The following TMEM209 variants were observed in gnomAD, a reference collection of about 807,000 sequenced individuals.
The protein encoded by TMEM209 is transmembrane protein 209, also known as testicular tissue protein Li 202.
TMEM209 carries 65 observed loss-of-function variants against 76.2 expected under a neutral mutation model. That is an observed-to-expected ratio of 0.85 (90% CI 0.70 to 1.05). TMEM209 has a LOEUF of 1.05. Among genes scored for constraint, TMEM209 ranks in the 50% least tolerant of loss-of-function variants. The pLI is 0.00. For synonymous variants in TMEM209, 239 were observed against 237.6 expected (o/e 1.01, Z -0.06); for missense variants, 623 against 685.5 (o/e 0.91, Z 1.02).
intron 6 of TMEM209, among the ~76,000 whole-genome samples, chr7:130,186,292 G>C (rs1027295372): frequency 2.6e-5 from 4 of 152,048 alleles, no homozygotes; most frequent in Non-Finnish European, 4.4e-5. Context: ...TTATGCTTAC[G>C]GGTACAAAGA....
chr7:130,185,972 T>C (rs1047448868), intron 6 of TMEM209, among the ~76,000 whole-genome samples: 20 of 152,248 alleles, frequency 1.3e-4, no homozygotes, highest in African/African-American at 2.4e-5. Context: ...CAGAGGCCTC[T>C]GAACCAGGAT....
At chr7:130,186,190 C>A (rs867230964) in intron 6 of TMEM209, among the ~76,000 whole-genome samples, 1 of 152,064 alleles carries the variant, frequency 6.6e-6, no homozygotes, top group African/African-American at 2.4e-5. Context: ...GTACTTTATA[C>A]CCTCAAACAA....
intron 5 of TMEM209, among the ~76,000 whole-genome samples, chr7:130,197,399 T>C (rs1458023370): frequency 1.3e-5 from 2 of 152,198 alleles, no homozygotes; most frequent in African/African-American, 4.8e-5. Flanking sequence ...TGATTCCACT[T>C]ACATGATGTA....
intron 1 of TMEM209, among the ~76,000 whole-genome samples, chr7:130,204,776 T>G (rs1584705362): frequency 6.6e-6 from 1 of 152,212 alleles, no homozygotes; most frequent in African/African-American, 2.4e-5. Flanking sequence ...AAGGCTAACT[T>G]CAGAAACTCA....
Position 130,185,262 on chromosome 7 carries a change from G to A in TMEM209, c.881C>T (p.Ala294Val). 1 of 1,613,992 alleles carries A rather than the reference G, an allele frequency of 6.2e-7. No homozygotes were observed. Among genetic ancestry groups the A allele is most frequent in the Non-Finnish European group, 8.5e-7 (1 of 1,179,892 alleles). ...QTLKKFQYQLACRSQAPCANK... is the reference protein window; with the variant it reads ...QTLKKFQYQLVCRSQAPCANK... ...AGCACATGGGGCCTGAGACCTACAGGCAAGCTGATACTGAAACTTCTTTAA... is the reference window on the plus strand; with the variant it reads ...AGCACATGGGGCCTGAGACCTACAGACAAGCTGATACTGAAACTTCTTTAA... Residue 294 changes from alanine to valine, a missense_variant, in exon 7 of 15, where the codon GCC becomes GTC. Ala to Val is a moderately conservative substitution (Grantham distance 64). Coordinates refer to ENST00000397622, the MANE Select transcript of TMEM209 (RefSeq NM_032842.4).
In TMEM209 at chr7:130,173,843, G is replaced by A; in HGVS notation, c.1441C>T (p.Gln481Ter). Residue 481 changes from glutamine (Q) to a stop codon, truncating the protein, a stop_gained, in exon 12 of 15, where the codon CAG becomes TAG. Transcript: ENST00000397622. LOFTEE classifies it high-confidence loss of function. ...GKTFTSQHFV[Q>*]TPNKPDVTNE... ...TTTATACCTGGTTTATTTGGTGTCT[G>A]AACAAAGTGCTGAGAAGTAAAAGTT... The A allele has an allele frequency of 6.2e-7, 1 of 1,613,748 alleles. No individual in the cohort carries two copies. The highest frequency in any genetic ancestry group is 1.1e-5 in the South Asian group (1 of 91,052).
intron 1 of TMEM209, 69 bp from the exon 2 acceptor site, chr7:130,204,179 G>C (rs1798335151): frequency 4.0e-6 from 6 of 1,504,970 alleles, no homozygotes; most frequent in Non-Finnish European, 5.3e-6. Flanking sequence ...ACCAAATTTT[G>C]CATCCCTTAT....
intron 5 of TMEM209, among the ~76,000 whole-genome samples, chr7:130,195,977 T>C (rs1797958056): frequency 6.6e-6 from 1 of 152,158 alleles, no homozygotes; most frequent in African/African-American, 2.4e-5. Context: ...TTTAGGTAAC[T>C]TGCTGAAGAT....
intron 10 of TMEM209, 40 bp downstream of exon 10, chr7:130,178,362 A>T (rs755720219): frequency 6.5e-7 from 1 of 1,538,762 alleles, no homozygotes. Context: ...CCAGCATAGT[A>T]AAAAAGCTCT....
Position 130,185,271 on chromosome 7 carries a change from T to TA in TMEM209, c.871dup (p.Tyr291LeufsTer6). The TA allele has an allele frequency of 1.2e-6, 2 of 1,614,042 alleles. No homozygotes were observed. Among genetic ancestry groups the TA allele is most frequent in the Non-Finnish European group, 1.7e-6 (2 of 1,179,886 alleles). ...GGCCTGAGACCTACAGGCAAGCTGA[T>TA]ACTGAAACTTCTTTAAAGTTTGTGC... On this transcript the variant is annotated frameshift_variant, in exon 7 of 15. Coordinates refer to ENST00000397622, the MANE Select transcript of TMEM209 (RefSeq NM_032842.4). LOFTEE classifies it high-confidence loss of function.
intron 5 of TMEM209, among the ~76,000 whole-genome samples, chr7:130,198,745 T>G (rs1232686545): frequency 6.6e-6 from 1 of 152,226 alleles, no homozygotes; most frequent in Non-Finnish European, 1.5e-5. Flanking sequence ...TAACCTAATA[T>G]TTTGGTGAGT....
In TMEM209 at chr7:130,205,358, A is replaced by C. The variant is rs771335301; in HGVS notation, c.3+15T>G. 6.2e-7 allele frequency: 1 copy of C among 1,613,590 alleles called. No homozygotes were observed. The highest frequency in any genetic ancestry group is 8.5e-7 in the Non-Finnish European group (1 of 1,179,840). ...TTCCAAGACAGGAAGCACAAACACG[A>C]CCCCGAAAACGCACCATGTCCTCTG... On this transcript the variant is annotated intron_variant, in intron 1 of 14. Coordinates refer to ENST00000397622, the MANE Select transcript of TMEM209 (RefSeq NM_032842.4).
intron 5 of TMEM209, among the ~76,000 whole-genome samples, chr7:130,193,200 G>A (rs751760887): frequency 1.3e-5 from 2 of 152,138 alleles, no homozygotes; most frequent in Admixed American, 6.6e-5. Context: ...TTCAGTAGGT[G>A]AACGAGTAAA....
intron 6 of TMEM209, among the ~76,000 whole-genome samples, chr7:130,189,515 G>A (rs2117008241): frequency 6.6e-6 from 1 of 152,240 alleles, no homozygotes; most frequent in South Asian, 2.1e-4. Context: ...AGTTATAAAG[G>A]AAGATGTCTT....
Position 130,173,703 on chromosome 7 carries a change from T to C in TMEM209, c.1486A>G (p.Ile496Val). 6.2e-7 allele frequency: 1 copy of C among 1,613,784 alleles called. No individual in the cohort carries two copies. Among genetic ancestry groups the C allele is most frequent in the Non-Finnish European group, 8.5e-7 (1 of 1,179,790 alleles). ...PDVTNENVFC[I>V]YQSAINPPHY... is the part of the protein sequence containing the mutation. ...GGAGGGTTGATAGCACTCTGATAAA[T>C]GCAAAAAACATTCTCATTTGTAACA... is the stretch of plus-strand genomic sequence containing the variant. Residue 496 changes from isoleucine to valine, a missense_variant, in exon 13 of 15, where the codon ATT (isoleucine) becomes GTT (valine). Ile to Val is a conservative substitution (Grantham distance 29). Coordinates refer to ENST00000397622, the MANE Select transcript of TMEM209 (RefSeq NM_032842.4).
chr7:130,199,749 C>T (rs1798122803), intron 5 of TMEM209: 1 of 152,080 alleles, frequency 6.6e-6, no homozygotes, highest in Non-Finnish European at 1.5e-5. Context: ...GGTGGTGTCA[C>T]TTCTTTTGTA....
At chr7:130,202,495 CT>C in intron 4 of TMEM209, 36 bp downstream of exon 4, 6 of 1,568,000 alleles carry the variant, frequency 3.8e-6, no homozygotes, top group South Asian at 1.2e-5. Flanking sequence ...TATTGCCAAC[CT>C]TTTCCCCACC....
chr7:130,190,395 G>A (rs575748518), intron 6 of TMEM209, among the ~76,000 whole-genome samples: 7 of 151,976 alleles, frequency 4.6e-5, no homozygotes, highest in Non-Finnish European at 1.0e-4. Context: ...GCAGATGCCT[G>A]TAATCCTAGC....
intron 6 of TMEM209, chr7:130,192,326 G>A (rs1431685463): frequency 1.2e-5 from 4 of 344,256 alleles, no homozygotes; most frequent in South Asian, 3.1e-5. Context: ...AGTTCACTAC[G>A]CACTGCTTCA....
Sources: gnomAD v4.1 joint callset for allele counts (sites outside exome capture counted in the v4.1 genomes callset) on GRCh38, gnomAD v4.1.1 for gene constraint, MANE v1.5 for transcripts, NCBI Gene and HGNC (gene_info 2026-07-23, HGNC 2026-07-21) for gene names.